YJU2: variants seen among roughly 807,000 people sequenced by gnomAD.
YJU2 encodes splicing factor YJU2.
Under a neutral mutation model 39.6 loss-of-function variants are expected in YJU2, and 28 were observed. The observed-to-expected ratio is 0.71, with a 90% CI of 0.52 to 0.97. YJU2 has a LOEUF of 0.97. YJU2 is among the 50% of genes least tolerant of loss of function. The pLI is 0.00. For missense variants in YJU2, 328 were observed against 430.4 expected (o/e 0.76, Z 2.11); for synonymous variants, 184 against 182.4 (o/e 1.01, Z -0.07).
In YJU2 at chr19:4,247,627, GTGTGTGTGTGTGTGTGTGTGTGTGTGTGT is replaced by G. The variant is rs1970937856; in HGVS notation, c.24+458_24+486del. Among the ~76,000 whole-genome samples, 16 of 49,052 alleles carry G rather than the reference GTGTGTGTGTGTGTGTGTGTGTGTGTGTGT, an allele frequency of 3.3e-4. 1 individual carries two copies. The highest frequency in any genetic ancestry group is 1.7e-3 in the African/African-American group (15 of 8,630). The allele number at this position is 49,052 out of a possible 152,430, so 32.2% of individuals were successfully genotyped here. ...TGTGTGTGTGTGTGTGTGTGTGTGT[GTGTGTGTGTGTGTGTGTGTGTGTGTGTGT>G]GTGTGTGTGTGTGTGTGTGTGTGTG... On this transcript the variant is annotated intron_variant, in intron 1 of 7. Coordinates refer to ENST00000262962, the MANE Select transcript of YJU2 (RefSeq NM_018074.6).
chr19:4,264,063 T>C (rs541979009), intron 6 of YJU2, among the ~76,000 whole-genome samples: 134 of 151,230 alleles, frequency 8.9e-4, no homozygotes, highest in African/African-American at 2.1e-3. Context: ...GAGATCGAGA[T>C]CATCCTATCT....
chr19:4,254,533 G>C (rs1476081352), intron 4 of YJU2, 44 bp downstream of exon 4: 1 of 1,512,166 alleles, frequency 6.6e-7, no homozygotes, highest in East Asian at 2.5e-5. Flanking sequence ...CTGTGTGTGT[G>C]GGTGTGTGTG....
In YJU2 at chr19:4,247,140, G is replaced by A. The variant is rs756793337; in HGVS notation, c.-7G>A. 45 of 1,613,844 alleles carry A rather than the reference G, an allele frequency of 2.8e-5. No homozygotes were observed. Among genetic ancestry groups the A allele is most frequent in the Admixed American group, 2.2e-4 (13 of 59,992 alleles). ...TCAGGTGCTTGCGAGGTGATCAGAA[G>A]GCAAAGATGTCGGAGCGAAAAGTAT... On this transcript the variant is annotated 5_prime_UTR_variant, in exon 1 of 8. Coordinates refer to ENST00000262962, the MANE Select transcript of YJU2 (RefSeq NM_018074.6).
chr19:4,261,009 G>A (rs559194982), intron 5 of YJU2, among the ~76,000 whole-genome samples: 12 of 151,836 alleles, frequency 7.9e-5, no homozygotes, highest in Admixed American at 2.6e-4. Context: ...TTCACCAAGC[G>A]AGTGCTTGGC....
intron 4 of YJU2, among the ~76,000 whole-genome samples, chr19:4,256,891 C>T (rs781277517): frequency 6.6e-6 from 1 of 152,184 alleles, no homozygotes; most frequent in Non-Finnish European, 1.5e-5. Context: ...CTTTTACATC[C>T]TAGTCTCAGA....
At chr19:4,247,439 G>GTT (rs11386562) in intron 1 of YJU2, 667 of 357,320 alleles carry the variant, frequency 1.9e-3, no homozygotes, top group East Asian at 3.7e-3. Flanking sequence ...ACCAGATAGG[G>GTT]TTTTTTTTCT....
At chr19:4,260,147 G>A (rs1207703310) in intron 5 of YJU2, among the ~76,000 whole-genome samples, 6 of 152,128 alleles carry the variant, frequency 3.9e-5, no homozygotes, top group South Asian at 2.1e-4. Context: ...AGAAGGGGCC[G>A]GGCGCAGGGT....
chr19:4,266,987 T>A (rs28624620), intron 6 of YJU2, among the ~76,000 whole-genome samples: 9,265 of 152,104 alleles, frequency 0.061, 866 homozygotes, highest in African/African-American at 0.2. Flanking sequence ...TTTTTAATAA[T>A]ATAGATTAAA....
intron 4 of YJU2, among the ~76,000 whole-genome samples, chr19:4,257,274 G>C (rs888279907): frequency 3.3e-5 from 5 of 152,016 alleles, no homozygotes; most frequent in African/African-American, 1.2e-4. Flanking sequence ...AGGTGCTCAG[G>C]TTGTCTTTTA....
At position 4,254,370 on chromosome 19, in the gene YJU2, ACAGACTACAC is replaced by A. The variant is rs753624355; in HGVS notation, c.289_298del (p.Asp97TrpfsTer31). 1.4e-5 allele frequency: 23 copies of A among 1,613,560 alleles called. No individual in the cohort carries two copies. The highest frequency in any genetic ancestry group is 1.9e-5 in the Non-Finnish European group (22 of 1,179,776). On this transcript the variant is annotated frameshift_variant, in exon 4 of 8. Transcript: ENST00000262962. LOFTEE classifies it high-confidence loss of function. ...CTCCCTGCAGACAGACCCTGAAAACACAGACTACACCATGGAGCATGGAGCCACGCGGAAT... is the reference window on the plus strand; with the variant it reads ...CTCCCTGCAGACAGACCCTGAAAACACATGGAGCATGGAGCCACGCGGAAT...
intron 1 of YJU2, among the ~76,000 whole-genome samples, chr19:4,247,616 TGTGTGTGTGTGTGTGTGTGTG>T (rs1970936723): frequency 6.3e-5 from 1 of 15,958 alleles, no homozygotes; most frequent in Admixed American, 5.7e-4. Flanking sequence ...TGTGTGTGTG[TGTGTGTGTGTGTGTGTGTGTG>T]TGTGTGTGTG....
chr19:4,247,591 GTGTGTGTGTGTGTGTGTGTGTGT>G (rs1970934581), intron 1 of YJU2, among the ~76,000 whole-genome samples: 1 of 29,218 alleles, frequency 3.4e-5, no homozygotes, highest in African/African-American at 1.0e-4. Flanking sequence ...GCGTGTGTGT[GTGTGTGTGTGTGTGTGTGTGTGT>G]GTGTGTGTGT....
Position 4,268,929 on chromosome 19 carries a change from CACCT to C in YJU2, c.*234_*237del, listed in dbSNP as rs1416807555. On this transcript the variant is annotated 3_prime_UTR_variant, in exon 8 of 8. Transcript: ENST00000262962. ...CGGGGACCCCTGCTGCTCCTGCCCC[CACCT>C]GTCACTGTGCTTAGGGCTGCAACAT... The C allele has an allele frequency of 3.6e-5, 20 of 552,662 alleles. No homozygotes were observed. Among genetic ancestry groups the C allele is most frequent in the Admixed American group, 1.9e-4 (6 of 31,984 alleles). The allele number at this position is 552,662 out of a possible 1,614,324, so 34.2% of individuals were successfully genotyped here.
chr19:4,256,710 G>A (rs947389304), intron 4 of YJU2, among the ~76,000 whole-genome samples: 13 of 152,184 alleles, frequency 8.5e-5, no homozygotes, highest in African/African-American at 3.1e-4. Flanking sequence ...ATCATCTGAA[G>A]GCTGGACTGG....
rs1568359719 is a variant in YJU2, at chr19:4,247,663, GTGTGTGT to G, written c.24+494_24+500del. On this transcript the variant is annotated intron_variant, in intron 1 of 7. Transcript: ENST00000262962. The stretch of plus-strand genomic sequence containing the variant: ...TGTGTGTGTGTGTGTGTGTGTGTGT[GTGTGTGT>G]GTGTGTGTGTGTGTGTGTGTGTGTG... Among the ~76,000 whole-genome samples, 7 of 87,588 alleles carry G rather than the reference GTGTGTGT, an allele frequency of 8.0e-5. 2 individuals carry two copies. The highest frequency in any genetic ancestry group is 2.2e-4 in the Admixed American group (2 of 8,898). 57.5% of individuals were successfully genotyped at this position (87,588 alleles called of 152,430 possible).
intron 4 of YJU2, 140 bp downstream of exon 4, chr19:4,254,629 T>G: frequency 3.2e-6 from 4 of 1,250,400 alleles, no homozygotes; most frequent in African/African-American, 1.5e-5. Context: ...CTTTAAGATG[T>G]CCCCAGGAGG....
Position 4,267,727 on chromosome 19 carries a change from C to A in YJU2, c.812C>A (p.Ala271Asp). The A allele has an allele frequency of 6.2e-7, 1 of 1,613,088 alleles. No individual in the cohort carries two copies. Among genetic ancestry groups the A allele is most frequent in the Middle Eastern group, 1.7e-4 (1 of 6,038 alleles). Residue 271 changes from alanine (A) to aspartate (D), a missense_variant, in exon 7 of 8, where the codon GCC becomes GAC. This residue lies in a region of YJU2 where 244 missense variants were observed against 264.6 expected (regional missense o/e 0.92). Coordinates refer to ENST00000262962, the MANE Select transcript of YJU2 (RefSeq NM_018074.6). ...CTGGTCGTGGTGAAGAAGGCAAAGG[C>A]CGACCCGGACTGCAGCAACGGGCAG... ...SRLVVVKKAK[A>D]DPDCSNGQPQ...
chr19:4,257,963 G>A (rs1971035433), intron 4 of YJU2, among the ~76,000 whole-genome samples: 1 of 152,168 alleles, frequency 6.6e-6, no homozygotes, highest in African/African-American at 2.4e-5. Context: ...AGGCCACCTG[G>A]GTCCAGAGCC....
Position 4,251,033 on chromosome 19 carries a change from G to A in YJU2, c.132G>A (p.Lys44=). ...RLMAPFNMRC[K]TCGEYIYKGK... ...CCTACATGCTGCCCCGCAGGTGTAAGACGTGCGGAGAATACATCTACAAGG... is the reference window on the plus strand; with the variant it reads ...CCTACATGCTGCCCCGCAGGTGTAAAACGTGCGGAGAATACATCTACAAGG... The change falls in exon 3 of 8, where the codon AAG becomes AAA. Residue 44 remains lysine (K), a synonymous_variant. Coordinates refer to ENST00000262962, the MANE Select transcript of YJU2 (RefSeq NM_018074.6). 10 of 1,614,148 alleles carry A rather than the reference G, an allele frequency of 6.2e-6. No homozygotes were observed. The highest frequency in any genetic ancestry group is 8.5e-6 in the Non-Finnish European group (10 of 1,180,008).
Sources: allele counts gnomAD v4.1 joint callset (sites outside exome capture counted in the v4.1 genomes callset), GRCh38; gene constraint gnomAD v4.1.1; regional missense constraint gnomAD v4.1.1; transcripts MANE v1.5; gene names NCBI Gene and HGNC (gene_info 2026-07-23, HGNC 2026-07-21).